RELN: variants seen among roughly 807,000 people sequenced by gnomAD.
RELN encodes the protein reelin.
RELN carries 108 observed loss-of-function variants against 427.6 expected under a neutral mutation model. That is an observed-to-expected ratio of 0.25 (90% CI 0.22 to 0.30). The LOEUF (loss-of-function observed/expected upper bound fraction) is 0.30. Ranked by LOEUF, RELN falls within the 10% of genes least tolerant of loss-of-function variation. The pLI, the probability that RELN is intolerant of heterozygous loss-of-function variation, is 1.00. For missense variants in RELN, 3,715 were observed against 4,302.8 expected (o/e 0.86, Z 3.82); for synonymous variants, 1,524 against 1,513.4 (o/e 1.01, Z -0.16).
In RELN at chr7:103,561,520, T is replaced by A; in HGVS notation, c.5529+12A>T. On this transcript the variant is annotated intron_variant, in intron 36 of 64. Coordinates refer to ENST00000428762, the MANE Select transcript of RELN (RefSeq NM_005045.4). The stretch of plus-strand genomic sequence containing the variant: ...AGTAATGTTGGGAAGGAGAATCTTA[T>A]CTGTATCTGACCCCTTTAAAAATTA... The A allele has an allele frequency of 2.5e-6, 4 of 1,599,072 alleles. No individual in the cohort carries two copies. Among genetic ancestry groups the A allele is most frequent in the Non-Finnish European group, 3.4e-6 (4 of 1,166,440 alleles).
At chr7:103,892,939 T>C (rs1005014245) in intron 2 of RELN, among the ~76,000 whole-genome samples, 9 of 152,078 alleles carry the variant, frequency 5.9e-5, no homozygotes, top group Admixed American at 5.2e-4. Flanking sequence ...GGGTCTTTAG[T>C]TCTGAGCTCA....
intron 4 of RELN, among the ~76,000 whole-genome samples, chr7:103,757,237 A>T (rs1269729842): frequency 6.6e-6 from 1 of 152,144 alleles, no homozygotes; most frequent in African/African-American, 2.4e-5. Flanking sequence ...TGTAAAATGC[A>T]TGCTTGCTAG....
At chr7:103,572,107 C>A in intron 31 of RELN, 77 bp downstream of exon 31, 1 of 846,188 alleles carries the variant, frequency 1.2e-6, no homozygotes, top group Non-Finnish European at 2.1e-6. Flanking sequence ...TTTTCAAAAT[C>A]CTGGCCAAAC....
At chr7:103,656,816 A>T (rs543824689) in intron 12 of RELN, among the ~76,000 whole-genome samples, 2 of 152,222 alleles carry the variant, frequency 1.3e-5, no homozygotes, top group South Asian at 4.1e-4. Context: ...GATACTTACT[A>T]TGAACCATGC....
intron 4 of RELN, among the ~76,000 whole-genome samples, chr7:103,774,361 C>T (rs1056578000): frequency 6.6e-6 from 1 of 151,674 alleles, no homozygotes; most frequent in African/African-American, 2.4e-5. Flanking sequence ...AGATTACAGA[C>T]CCTCTAAGAC....
chr7:103,966,180 A>G (rs187345677), intron 1 of RELN, among the ~76,000 whole-genome samples: 1 of 152,376 alleles, frequency 6.6e-6, no homozygotes, highest in African/African-American at 2.4e-5. Flanking sequence ...TTATAGATAC[A>G]TTTAAGAAAG....
chr7:103,890,907 C>G (rs1194422922), intron 2 of RELN, among the ~76,000 whole-genome samples: 1 of 152,094 alleles, frequency 6.6e-6, no homozygotes, highest in African/African-American at 2.4e-5. Flanking sequence ...GAAACCCCGT[C>G]TCTACTAAAA....
chr7:103,700,396 T>G (rs530521319), intron 9 of RELN, among the ~76,000 whole-genome samples: 1 of 152,272 alleles, frequency 6.6e-6, no homozygotes, highest in African/African-American at 2.4e-5. Context: ...AAATGTAATA[T>G]GTAATTACAA....
intron 4 of RELN, among the ~76,000 whole-genome samples, chr7:103,765,418 T>C (rs1791405288): frequency 6.6e-6 from 1 of 152,200 alleles, no homozygotes. Flanking sequence ...GCCTGGGGTC[T>C]GGTGCAGTGT....
intron 3 of RELN, among the ~76,000 whole-genome samples, chr7:103,801,645 G>A (rs1189410505): frequency 1.3e-5 from 2 of 151,990 alleles, no homozygotes; most frequent in East Asian, 3.9e-4. Flanking sequence ...TGGGTTGATG[G>A]ATGCAGCGGG....
At chr7:103,536,506 G>A (rs908144853) in intron 45 of RELN, among the ~76,000 whole-genome samples, 1 of 152,140 alleles carries the variant, frequency 6.6e-6, no homozygotes, top group South Asian at 2.1e-4. Context: ...CATGGCCAAG[G>A]CGTCAGGAGC....
intron 2 of RELN, among the ~76,000 whole-genome samples, chr7:103,893,054 C>G (rs1206863739): frequency 6.6e-6 from 1 of 152,012 alleles, no homozygotes; most frequent in Admixed American, 6.6e-5. Flanking sequence ...CAGTACAGTC[C>G]AAGTTCATGG....
At chr7:103,868,773 C>T (rs1480928852) in intron 2 of RELN, among the ~76,000 whole-genome samples, 2 of 152,162 alleles carry the variant, frequency 1.3e-5, no homozygotes, top group South Asian at 2.1e-4. Context: ...TTTAGGATCA[C>T]TTTTTACTGA....
intron 6 of RELN, among the ~76,000 whole-genome samples, chr7:103,748,079 TA>T (rs1790891889): frequency 6.8e-6 from 1 of 146,866 alleles, no homozygotes; most frequent in South Asian, 2.1e-4. Context: ...TAATGGCATA[TA>T]AAAAAGCAAA....
intron 2 of RELN, among the ~76,000 whole-genome samples, chr7:103,840,418 T>C (rs1223484123): frequency 6.6e-6 from 1 of 152,256 alleles, no homozygotes; most frequent in Non-Finnish European, 1.5e-5. Flanking sequence ...CACACTACTG[T>C]ATGACCTCTG....
chr7:103,835,530 G>A (rs1793379197), intron 2 of RELN, among the ~76,000 whole-genome samples: 1 of 152,112 alleles, frequency 6.6e-6, no homozygotes, highest in African/African-American at 2.4e-5. Flanking sequence ...GGTAGGGGAG[G>A]TTTTATTGTG....
chr7:103,895,508 A>G (rs1794940704), intron 2 of RELN, among the ~76,000 whole-genome samples: 1 of 152,078 alleles, frequency 6.6e-6, no homozygotes, highest in Non-Finnish European at 1.5e-5. Flanking sequence ...GTCTGAAGCA[A>G]TTTCAGTCAT....
chr7:103,834,198 G>A (rs113908990), intron 2 of RELN, among the ~76,000 whole-genome samples: 1,603 of 152,322 alleles, frequency 0.011, 30 homozygotes, highest in African/African-American at 0.036. Flanking sequence ...CTATCACCCA[G>A]TCTTTTCACT....
intron 8 of RELN, among the ~76,000 whole-genome samples, chr7:103,711,618 G>A (rs1280068476): frequency 2.0e-5 from 3 of 152,112 alleles, no homozygotes; most frequent in African/African-American, 7.2e-5. Flanking sequence ...AACTAGATTA[G>A]AATCGATGAA....
Sources: gnomAD v4.1 joint callset for allele counts (sites outside exome capture counted in the v4.1 genomes callset) on GRCh38, gnomAD v4.1.1 for gene constraint, MANE v1.5 for transcripts, NCBI Gene and HGNC (gene_info 2026-07-23, HGNC 2026-07-21) for gene names.